The following SCHIP1 variants were observed in gnomAD, a reference collection of about 807,000 sequenced individuals.
The protein encoded by SCHIP1 is schwannomin interacting protein 1, also known as schwannomin-interacting protein 1.
A neutral mutation model predicts 29.7 loss-of-function variants in SCHIP1; 8 were observed. The ratio of observed to expected loss-of-function variants is 0.27; its 90% CI spans 0.16 to 0.49. The LOEUF is 0.49. Ranked by LOEUF, SCHIP1 falls within the 20% of genes least tolerant of loss-of-function variation. The pLI, the probability that SCHIP1 is intolerant of heterozygous loss-of-function variation, is 0.99. For missense variants in SCHIP1, 193 were observed against 294.6 expected, an observed-to-expected ratio of 0.66 and a Z score of 2.52; for synonymous variants, 76 against 94.9, an observed-to-expected ratio of 0.80 and a Z score of 1.16.
chr3:159,343,973 A>G, the SCHIP1 span, among the ~76,000 whole-genome samples: 1 of 152,226 alleles, frequency 6.6e-6, no homozygotes, highest in African/African-American at 2.4e-5. Context: ...AATAACTCTA[A>G]TAAGGCTTAA....
At chr3:159,279,836 C>T in the SCHIP1 span, among the ~76,000 whole-genome samples, 1 of 152,082 alleles carries the variant, frequency 6.6e-6, no homozygotes. Context: ...GCCAGAAACC[C>T]ATGGAAAGGC....
chr3:159,851,308 A>G (rs748815098), intron 1 of SCHIP1, among the ~76,000 whole-genome samples: 11 of 152,192 alleles, frequency 7.2e-5, no homozygotes, highest in Admixed American at 2.0e-4. Context: ...AATAAAAGCT[A>G]TACTTGATTA....
the SCHIP1 span, chr3:159,721,972 C>T: frequency 1.3e-4 from 49 of 377,558 alleles, no homozygotes; most frequent in South Asian, 1.1e-3. Flanking sequence ...TTCAGCTTGA[C>T]TTTCTGTTCC....
At chr3:159,329,987 T>C in the SCHIP1 span, among the ~76,000 whole-genome samples, 6 of 152,304 alleles carry the variant, frequency 3.9e-5, no homozygotes, top group Admixed American at 6.5e-5. Flanking sequence ...AATAAAACAC[T>C]GAAAAACTAA....
At chr3:159,788,928 G>GGCT in the SCHIP1 span, among the ~76,000 whole-genome samples, 10 of 151,890 alleles carry the variant, frequency 6.6e-5, no homozygotes, top group East Asian at 1.9e-3. Flanking sequence ...ACTTTTTGAG[G>GGCT]GCTGACATGA....
At chr3:159,570,261 GT>G in the SCHIP1 span, among the ~76,000 whole-genome samples, 21 of 152,078 alleles carry the variant, frequency 1.4e-4, no homozygotes. Flanking sequence ...TTCTTCTAGG[GT>G]TTTTATGGTT....
chr3:159,320,500 A>C, the SCHIP1 span, among the ~76,000 whole-genome samples: 1 of 152,162 alleles, frequency 6.6e-6, no homozygotes, highest in Non-Finnish European at 1.5e-5. Flanking sequence ...CACTTTGGCT[A>C]CCTGGTTCTG....
chr3:159,719,991 T>C, the SCHIP1 span, among the ~76,000 whole-genome samples: 2 of 152,116 alleles, frequency 1.3e-5, no homozygotes, highest in Non-Finnish European at 2.9e-5. Context: ...CAAATGTCCA[T>C]CAATGATAGA....
the SCHIP1 span, among the ~76,000 whole-genome samples, chr3:159,505,033 T>G: frequency 6.6e-6 from 1 of 152,090 alleles, no homozygotes; most frequent in African/African-American, 2.4e-5. Context: ...GTGGAGGGAA[T>G]AGCATCTGCA....
chr3:159,833,752 T>C, the SCHIP1 span, among the ~76,000 whole-genome samples: 2 of 152,346 alleles, frequency 1.3e-5, no homozygotes, highest in African/African-American at 4.8e-5. Context: ...CACCTTCAAC[T>C]GCGAATTTTA....
At chr3:159,500,146 G>T in the SCHIP1 span, among the ~76,000 whole-genome samples, 6 of 146,866 alleles carry the variant, frequency 4.1e-5, no homozygotes, top group South Asian at 2.2e-4. Context: ...TTGTTTTTTT[G>T]TTTTTTTTTT....
the SCHIP1 span, among the ~76,000 whole-genome samples, chr3:159,702,487 A>G: frequency 6.6e-6 from 1 of 152,192 alleles, no homozygotes; most frequent in Non-Finnish European, 1.5e-5. Flanking sequence ...TCACTTTCCT[A>G]TGTAAATTAA....
At chr3:159,638,947 C>T in the SCHIP1 span, among the ~76,000 whole-genome samples, 6 of 151,904 alleles carry the variant, frequency 3.9e-5, no homozygotes, top group African/African-American at 9.7e-5. Flanking sequence ...TGGATTATCT[C>T]GAGTGCCCTA....
chr3:159,509,111 T>G, the SCHIP1 span, among the ~76,000 whole-genome samples: 1 of 152,220 alleles, frequency 6.6e-6, no homozygotes, highest in African/African-American at 2.4e-5. Context: ...CTAAGTCTCT[T>G]TGTAGGTCTC....
At chr3:159,451,030 G>T in the SCHIP1 span, among the ~76,000 whole-genome samples, 2 of 152,026 alleles carry the variant, frequency 1.3e-5, no homozygotes, top group African/African-American at 2.4e-5. Context: ...GGATGGTCTT[G>T]ATCTCCTGAC....
intron 2 of SCHIP1, among the ~76,000 whole-genome samples, chr3:159,879,268 TTCTTTTTTTTTTCTTTCTTC>T (rs1167694295): frequency 2.0e-5 from 3 of 152,192 alleles, no homozygotes; most frequent in African/African-American, 7.2e-5. Flanking sequence ...TTTGCTTTCT[TTCTTTTTTTTTTCTTTCTTC>T]TCTTTTTTTC....
chr3:159,419,852 G>C, the SCHIP1 span, among the ~76,000 whole-genome samples: 2 of 152,124 alleles, frequency 1.3e-5, no homozygotes, highest in Admixed American at 6.5e-5. Context: ...TGGACAGCCA[G>C]GTCACAGTCA....
the SCHIP1 span, among the ~76,000 whole-genome samples, chr3:159,483,055 C>A: frequency 6.6e-6 from 1 of 152,146 alleles, no homozygotes; most frequent in Non-Finnish European, 1.5e-5. Context: ...AGCCTCCCGA[C>A]CAATTAGTTT....
intron 1 of SCHIP1, among the ~76,000 whole-genome samples, chr3:159,844,343 C>G (rs1711525442): frequency 6.6e-6 from 1 of 152,230 alleles, no homozygotes; most frequent in Non-Finnish European, 1.5e-5. Flanking sequence ...GTTCTTTGAA[C>G]AACGTAAACC....
Sources: allele counts gnomAD v4.1 joint callset (sites outside exome capture counted in the v4.1 genomes callset), GRCh38; gene constraint gnomAD v4.1.1; transcripts MANE v1.5; gene names NCBI Gene and HGNC (gene_info 2026-07-23, HGNC 2026-07-21).